The following HDAC4 variants were observed in gnomAD, a reference collection of about 807,000 sequenced individuals.
HDAC4 encodes histone deacetylase A.
HDAC4 carries 16 observed loss-of-function variants against 135.1 expected under a neutral mutation model. That is an observed-to-expected ratio of 0.12 (90% confidence interval 0.08 to 0.18). The LOEUF is 0.18. Ranked by LOEUF, HDAC4 falls within the 10% of genes least tolerant of loss-of-function variation. The probability of loss-of-function intolerance (pLI) is 1.00; values close to 1 mark genes in which losing one functional copy is unlikely to be tolerated. For missense variants in HDAC4, 1,143 were observed against 1,511.8 expected (o/e 0.76, Z 4.05); for synonymous variants, 685 against 653.4 (o/e 1.05, Z -0.74).
intron 2 of HDAC4, among the ~76,000 whole-genome samples, chr2:239,246,080 G>T (rs933116910): frequency 6.6e-6 from 1 of 152,218 alleles, no homozygotes; most frequent in African/African-American, 2.4e-5. Flanking sequence ...CTGCAGGGGG[G>T]TGTCCAGCTG....
At chr2:239,129,995 T>C (rs535541992) in intron 11 of HDAC4, among the ~76,000 whole-genome samples, 5 of 152,262 alleles carry the variant, frequency 3.3e-5, no homozygotes, top group Admixed American at 2.6e-4. Flanking sequence ...TGGGATTCTG[T>C]TTAGGTGATG....
At chr2:239,254,128 G>C (rs1179411843) in intron 2 of HDAC4, among the ~76,000 whole-genome samples, 3 of 152,046 alleles carry the variant, frequency 2.0e-5, no homozygotes, top group Non-Finnish European at 4.4e-5. Flanking sequence ...TAGAAATAAG[G>C]GTAAAACTAG....
chr2:239,126,796 C>T (rs1029530552), intron 11 of HDAC4, 102 bp from the exon 12 acceptor site: 151 of 1,300,070 alleles, frequency 1.2e-4, no homozygotes, highest in Non-Finnish European at 1.4e-4. Context: ...GCCCTGTGCC[C>T]GCCAGCCCAG....
Position 239,349,481 on chromosome 2 carries a change from G to A in HDAC4, c.22+3197C>T, listed in dbSNP as rs1340341650. Reference sequence around the variant, plus strand: ...CTTCCAGCAATGCCTGGGAGCGGACGGACAGGTGCATCAGCTGACAAGAAA... The same window carrying A: ...CTTCCAGCAATGCCTGGGAGCGGACAGACAGGTGCATCAGCTGACAAGAAA... On this transcript the variant is annotated intron_variant, in intron 2 of 26. Coordinates refer to ENST00000543185, the MANE Select transcript of HDAC4 (RefSeq NM_001378414.1). This position sits in a 1 kb window ranked among gnomAD's most constrained non-coding sequence, Gnocchi z 5.7. Among the ~76,000 whole-genome samples, 1 of 152,226 alleles carries A rather than the reference G, an allele frequency of 6.6e-6. No individual in the cohort carries two copies. Among genetic ancestry groups the A allele is most frequent in the Non-Finnish European group, 1.5e-5 (1 of 68,030 alleles).
At chr2:239,281,450 A>C (rs1405662198) in intron 2 of HDAC4, among the ~76,000 whole-genome samples, 12 of 147,788 alleles carry the variant, frequency 8.1e-5, no homozygotes, top group African/African-American at 1.8e-4. Flanking sequence ...CAATGAACAC[A>C]CCACTCTACA....
chr2:239,234,987 A>G (rs2047799828), intron 3 of HDAC4, among the ~76,000 whole-genome samples: 1 of 152,208 alleles, frequency 6.6e-6, no homozygotes. Flanking sequence ...CACGAAAACA[A>G]CACCGGCAAA....
intron 2 of HDAC4, among the ~76,000 whole-genome samples, chr2:239,300,490 C>T (rs2052188134): frequency 6.6e-6 from 1 of 152,198 alleles, no homozygotes; most frequent in Non-Finnish European, 1.5e-5. Context: ...TCCGCCATCG[C>T]AGAAAGTCCT....
At chr2:239,379,814 T>C (rs984570636) in intron 1 of HDAC4, among the ~76,000 whole-genome samples, 1 of 152,024 alleles carries the variant, frequency 6.6e-6, no homozygotes, top group African/African-American at 2.4e-5. Flanking sequence ...CACCACGGGG[T>C]CACACTCACC....
chr2:239,064,896 C>A (rs1465158622), intron 24 of HDAC4, among the ~76,000 whole-genome samples: 2 of 152,260 alleles, frequency 1.3e-5, no homozygotes, highest in Non-Finnish European at 2.9e-5. Flanking sequence ...AGGCCACTCA[C>A]AGACAGTGGG....
chr2:239,169,016 A>G (rs888526753), intron 5 of HDAC4, among the ~76,000 whole-genome samples: 1 of 152,128 alleles, frequency 6.6e-6, no homozygotes, highest in African/African-American at 2.4e-5. Context: ...CGGATCCAAA[A>G]TGTTTTCTGA....
intron 3 of HDAC4, among the ~76,000 whole-genome samples, chr2:239,210,182 G>T (rs529573422): frequency 1.3e-5 from 2 of 152,060 alleles, no homozygotes; most frequent in African/African-American, 4.8e-5. Context: ...ACTACAAACC[G>T]CCCAAATATC....
intron 2 of HDAC4, among the ~76,000 whole-genome samples, chr2:239,350,191 A>G (rs979267357): frequency 4.6e-5 from 7 of 152,234 alleles, no homozygotes; most frequent in African/African-American, 1.4e-4. Flanking sequence ...TCTCGGTCAA[A>G]GAAACATTAA....
chr2:239,066,947 TG>T, intron 23 of HDAC4, 92 bp from the exon 24 acceptor site: 1 of 1,488,796 alleles, frequency 6.7e-7, no homozygotes, highest in Non-Finnish European at 9.2e-7. Flanking sequence ...GTAAGAAGAC[TG>T]GGGGCTGGGG....
intron 2 of HDAC4, among the ~76,000 whole-genome samples, chr2:239,301,109 C>A (rs1205513956): frequency 6.6e-6 from 1 of 152,210 alleles, no homozygotes; most frequent in Admixed American, 6.5e-5. Context: ...CCTGCAGCAA[C>A]CCCTCAGGCC....
chr2:239,201,897 T>C (rs997636802), intron 3 of HDAC4, among the ~76,000 whole-genome samples: 8 of 152,238 alleles, frequency 5.3e-5, no homozygotes, highest in African/African-American at 1.7e-4. Context: ...ATCTACGTTT[T>C]CAAACTGCTT....
At chr2:239,129,007 G>A (rs547058300) in intron 11 of HDAC4, among the ~76,000 whole-genome samples, 53 of 152,312 alleles carry the variant, frequency 3.5e-4, no homozygotes, top group East Asian at 2.7e-3. Flanking sequence ...AGCTTCACAC[G>A]GGGACACAAG....
chr2:239,198,700 T>A (rs903944814), intron 3 of HDAC4, among the ~76,000 whole-genome samples: 2 of 152,314 alleles, frequency 1.3e-5, no homozygotes, highest in Non-Finnish European at 2.9e-5. Context: ...CTGCTGTCAG[T>A]TGCCAGGCTC....
intron 2 of HDAC4, among the ~76,000 whole-genome samples, chr2:239,265,291 C>T (rs1271623455): frequency 6.6e-6 from 1 of 152,218 alleles, no homozygotes; most frequent in Non-Finnish European, 1.5e-5. Flanking sequence ...AGTCATAAAA[C>T]CCTCCCCTTC....
intron 16 of HDAC4, 135 bp downstream of exon 16, chr2:239,102,641 C>T: frequency 1.1e-6 from 1 of 932,474 alleles, no homozygotes; most frequent in Non-Finnish European, 1.7e-6. Context: ...GTGAAAGGTT[C>T]CCTTTCAGGC....
Sources: allele counts gnomAD v4.1 joint callset (sites outside exome capture counted in the v4.1 genomes callset), GRCh38; gene constraint gnomAD v4.1.1; non-coding constraint Gnocchi (gnomAD v3.1); transcripts MANE v1.5; gene names NCBI Gene and HGNC (gene_info 2026-07-23, HGNC 2026-07-21).